The following PDE3A variants were observed in gnomAD, a reference collection of about 807,000 sequenced individuals.
The protein encoded by PDE3A is phosphodiesterase 3A.
A neutral mutation model predicts 98.3 loss-of-function variants in PDE3A; 43 were observed. The observed-to-expected ratio is 0.44, with a 90% confidence interval of 0.34 to 0.56. The LOEUF (loss-of-function observed/expected upper bound fraction) is 0.56. Among genes scored for constraint, PDE3A ranks in the 20% least tolerant of loss-of-function variants. PDE3A has a pLI of 0.01. For missense variants in PDE3A, 1,427 were observed against 1,440.7 expected, an observed-to-expected ratio of 0.99 and a Z score of 0.15; for synonymous variants, 663 against 567.9, an observed-to-expected ratio of 1.17 and a Z score of -2.38.
Position 20,552,277 on chromosome 12 carries a change from G to T in PDE3A, c.961-4383G>T. The T allele has an allele frequency of 6.2e-7, 1 of 1,613,948 alleles. No individual in the cohort carries two copies. The highest frequency in any genetic ancestry group is 1.3e-5 in the African/African-American group (1 of 75,058). On this transcript the variant is annotated intron_variant, in intron 1 of 15. Transcript: ENST00000359062. The surrounding 1 kb of genome is among the most constrained non-coding windows in gnomAD (Gnocchi z 5.1). ...TGGCAAGAATAGCAAGTACGCCCCC[G>T]CTGAGGGCAACCGCTACGATGGCAT... is the stretch of plus-strand genomic sequence containing the variant.
Position 20,567,472 on chromosome 12 carries a change from A to G in PDE3A, c.1011+10762A>G, listed in dbSNP as rs149537007. ...ATGATACCTTATTGTAGGACAGCATATTATTACTTTGACTGTAAACTGAAA... is the reference window on the plus strand; with the variant it reads ...ATGATACCTTATTGTAGGACAGCATGTTATTACTTTGACTGTAAACTGAAA... On this transcript the variant is annotated intron_variant, in intron 2 of 15. Transcript: ENST00000359062. Among the ~76,000 whole-genome samples the G allele has an allele frequency of 5.3e-5, 8 of 152,144 alleles. No individual in the cohort carries two copies. The East Asian group carries it at 1.5e-3, about 29-fold the overall frequency.
chr12:20,589,212 C>T (rs1343978262), intron 2 of PDE3A, among the ~76,000 whole-genome samples: 1 of 152,076 alleles, frequency 6.6e-6, no homozygotes, highest in Admixed American at 6.5e-5. Context: ...GCATGAGCCA[C>T]CATGCCCGGC....
chr12:20,414,801 T>A (rs1944395056), intron 1 of PDE3A, among the ~76,000 whole-genome samples: 1 of 152,058 alleles, frequency 6.6e-6, no homozygotes, highest in African/African-American at 2.4e-5. Flanking sequence ...ATTATTGTTA[T>A]TTTTTTCTTG....
intron 1 of PDE3A, among the ~76,000 whole-genome samples, chr12:20,438,304 G>A (rs1008484578): frequency 6.6e-6 from 1 of 152,028 alleles, no homozygotes; most frequent in Non-Finnish European, 1.5e-5. Context: ...TTAACCACAT[G>A]GTAATTCCTC....
At position 20,685,430 on chromosome 12, in the gene PDE3A, AAAG is replaced by A. The variant is rs1437868650; in HGVS notation, c.*5162_*5164del. On this transcript the variant is annotated 3_prime_UTR_variant, in exon 16 of 16. Transcript: ENST00000359062. Reference sequence around the variant, plus strand: ...GCCTCAAAAAAAAAAAAAAAAAAAAAAAGAACATTTTTTGGCAAAATATGAAGA... The same window carrying A: ...GCCTCAAAAAAAAAAAAAAAAAAAAAAACATTTTTTGGCAAAATATGAAGA... Among the ~76,000 whole-genome samples, 3 of 151,488 alleles carry A rather than the reference AAAG, an allele frequency of 2.0e-5. No homozygotes were observed. Among genetic ancestry groups the A allele is most frequent in the East Asian group, 3.9e-4 (2 of 5,180 alleles).
chr12:20,616,213 T>C lies in PDE3A; in HGVS notation c.1270-17T>C, dbSNP rs769047421. The stretch of plus-strand genomic sequence containing the variant: ...ATATAAAATATTCTGGGTAATGAAG[T>C]CAAGTCTCTTTCCTAGCGCCTGAGA... On this transcript the variant is annotated splice_polypyrimidine_tract_variant and intron_variant, in intron 3 of 15. Coordinates refer to ENST00000359062, the MANE Select transcript of PDE3A (RefSeq NM_000921.5). 4 of 1,611,974 alleles carry C rather than the reference T, an allele frequency of 2.5e-6. No individual in the cohort carries two copies. The highest frequency in any genetic ancestry group is 3.4e-6 in the Non-Finnish European group (4 of 1,178,588).
rs979112239 is a variant in PDE3A, at chr12:20,671,372, C to T, written c.3185-8658C>T. Among the ~76,000 whole-genome samples the T allele has an allele frequency of 7.8e-4, 118 of 152,014 alleles. 1 individual carries two copies. The highest frequency in any genetic ancestry group is 7.4e-4 in the Non-Finnish European group (50 of 68,026). ...TATGAGGCTAGCATCATCCTGATAC[C>T]GAAGCCAGGCAGAGACACAACAAAA... On this transcript the variant is annotated intron_variant, in intron 15 of 15. Transcript: ENST00000359062.
At chr12:20,564,584 AAG>A (rs929779568) in intron 2 of PDE3A, among the ~76,000 whole-genome samples, 1 of 152,124 alleles carries the variant, frequency 6.6e-6, no homozygotes, top group Non-Finnish European at 1.5e-5. Context: ...CGCAGGAGGA[AAG>A]AGAGTTTGGC....
At chr12:20,603,521 T>C (rs1295213885) in intron 2 of PDE3A, among the ~76,000 whole-genome samples, 2 of 152,094 alleles carry the variant, frequency 1.3e-5, no homozygotes, top group Admixed American at 6.5e-5. Flanking sequence ...GAGTAAGAAG[T>C]GGAAATAGGT....
intron 2 of PDE3A, among the ~76,000 whole-genome samples, chr12:20,562,112 T>G (rs1942538427): frequency 6.6e-6 from 1 of 152,198 alleles, no homozygotes; most frequent in Non-Finnish European, 1.5e-5. Flanking sequence ...AGTCAGGGGA[T>G]GAAATTCTCA....
At position 20,607,715 on chromosome 12, in the gene PDE3A, G is replaced by T. The variant is rs4508254; in HGVS notation, c.1012-5728G>T. On this transcript the variant is annotated intron_variant, in intron 2 of 15. Transcript: ENST00000359062. ...TAGAATGTTTTATATTGCTTGGTAA[G>T]TTTTTTTTTTTAAAGGAAAAGATTT... 3.3e-3 allele frequency among the ~76,000 whole-genome samples: 501 copies of T among 150,442 alleles called. 6 individuals are homozygous for T. Among genetic ancestry groups the T allele is most frequent in the African/African-American group, 0.011 (449 of 41,164 alleles).
intron 1 of PDE3A, among the ~76,000 whole-genome samples, chr12:20,391,792 T>A (rs1027811242): frequency 1.3e-5 from 2 of 151,900 alleles, no homozygotes; most frequent in Non-Finnish European, 2.9e-5. Flanking sequence ...CCCTCCTCTC[T>A]GTTTAGATAT....
rs1449669093 is a variant in PDE3A, at chr12:20,662,682, TCA to T, written c.3184+8478_3184+8479del. 6.6e-5 allele frequency among the ~76,000 whole-genome samples: 10 copies of T among 152,150 alleles called. No homozygotes were observed. The East Asian group carries it at 1.9e-3, about 29-fold the overall frequency. ...GTGACTTTGGTGCTATTAAAATCTC[TCA>T]GTTTTATGTATTCAGAAAGACATGG... On this transcript the variant is annotated intron_variant, in intron 15 of 15. Coordinates refer to ENST00000359062, the MANE Select transcript of PDE3A (RefSeq NM_000921.5).
rs377754638 is a variant in PDE3A, at chr12:20,445,714, G to A, written c.960+75470G>A. 1.7e-4 allele frequency among the ~76,000 whole-genome samples: 26 copies of A among 152,234 alleles called. No individual in the cohort carries two copies. The East Asian group carries it at 3.3e-3, about 19-fold the overall frequency. ...ATGACATAAATGCCGCCCTCACTGTGTTGTTTATTGTTTCTTCCAGATAAT... is the reference window on the plus strand; with the variant it reads ...ATGACATAAATGCCGCCCTCACTGTATTGTTTATTGTTTCTTCCAGATAAT... On this transcript the variant is annotated intron_variant, in intron 1 of 15. Transcript: ENST00000359062.
chr12:20,620,589 G>A (rs554436247), intron 4 of PDE3A, among the ~76,000 whole-genome samples: 5 of 151,982 alleles, frequency 3.3e-5, no homozygotes, highest in African/African-American at 1.2e-4. Flanking sequence ...CTCTAGTTCA[G>A]TCTTCCATGA....
At chr12:20,515,764 G>A (rs991401237) in intron 1 of PDE3A, among the ~76,000 whole-genome samples, 8 of 148,588 alleles carry the variant, frequency 5.4e-5, no homozygotes, top group Non-Finnish European at 1.2e-4. Flanking sequence ...ACGGAGTCTC[G>A]CTCTGTCGCC....
chr12:20,541,232 G>A (rs1236727601), intron 1 of PDE3A, among the ~76,000 whole-genome samples: 2 of 151,110 alleles, frequency 1.3e-5, no homozygotes, highest in Non-Finnish European at 3.0e-5. Context: ...GAATAGCTAG[G>A]ACTACCAGGT....
At chr12:20,527,756 G>A (rs1240378029) in intron 1 of PDE3A, among the ~76,000 whole-genome samples, 2 of 152,236 alleles carry the variant, frequency 1.3e-5, no homozygotes, top group East Asian at 3.9e-4. Flanking sequence ...TTGAATAAAG[G>A]TTTATACTGG....
intron 1 of PDE3A, chr12:20,449,974 A>G: frequency 1.4e-6 from 1 of 717,442 alleles, no homozygotes; most frequent in Non-Finnish European, 2.4e-6. Context: ...GTTGTCAGGA[A>G]CAATAAGCCC....
Sources: gnomAD v4.1 joint callset for allele counts (sites outside exome capture counted in the v4.1 genomes callset) on GRCh38, gnomAD v4.1.1 for gene constraint, Gnocchi (gnomAD v3.1) non-coding constraint, MANE v1.5 for transcripts, NCBI Gene and HGNC (gene_info 2026-07-23, HGNC 2026-07-21) for gene names.